SRCIN1: variants seen among roughly 807,000 people sequenced by gnomAD.
SRCIN1 encodes P130Cas-associated protein.
In SRCIN1, 50 loss-of-function variants were observed where a neutral mutation model predicts 116.2. The ratio of observed to expected loss-of-function variants is 0.43; its 90% CI spans 0.34 to 0.54. The LOEUF is 0.54. SRCIN1 is among the 20% of genes least tolerant of loss of function. The pLI is 0.02. For missense variants in SRCIN1, 1,446 were observed against 1,672.0 expected (o/e 0.86, Z 2.36); for synonymous variants, 736 against 750.0 (o/e 0.98, Z 0.30).
At chr17:38,590,526 G>T (rs1908384816) in intron 1 of SRCIN1, among the ~76,000 whole-genome samples, 1 of 152,218 alleles carries the variant, frequency 6.6e-6, no homozygotes, top group African/African-American at 2.4e-5. Context: ...ATGAGCCACT[G>T]CACCCAGCCA....
At chr17:38,553,057 C>G (rs958010503) in intron 11 of SRCIN1, among the ~76,000 whole-genome samples, 5 of 152,152 alleles carry the variant, frequency 3.3e-5, no homozygotes, top group Non-Finnish European at 5.9e-5. Flanking sequence ...GAGTTCAAGA[C>G]CATCCTGGGC....
chr17:38,599,763 G>A (rs967937938), intron 1 of SRCIN1, among the ~76,000 whole-genome samples: 4 of 152,186 alleles, frequency 2.6e-5, no homozygotes, highest in Non-Finnish European at 5.9e-5. Flanking sequence ...GGTGTCCCTG[G>A]GTGGCTGGGC....
chr17:38,558,133 C>CA lies in SRCIN1; in HGVS notation c.2201+93dup. 7.0e-7 allele frequency: 1 copy of CA among 1,436,112 alleles called. No individual in the cohort carries two copies. The highest frequency in any genetic ancestry group is 1.3e-5 in the South Asian group (1 of 79,072). 89.0% of individuals were successfully genotyped at this position (1,436,112 alleles called of 1,614,324 possible). A position where few individuals can be genotyped will look rare whatever the true frequency, so the allele number is the denominator to read the frequency against. Reference sequence around the variant, plus strand: ...GAACAGACCAACGCCACCTGTGACTCAGAGGGAAGGGAGCTGCGCCTCCCA... The same window carrying CA: ...GAACAGACCAACGCCACCTGTGACTCAAGAGGGAAGGGAGCTGCGCCTCCCA... On this transcript the variant is annotated intron_variant, in intron 11 of 18. Coordinates refer to ENST00000617146, the MANE Select transcript of SRCIN1 (RefSeq NM_025248.3). This position sits in a 1 kb window ranked among gnomAD's most constrained non-coding sequence, Gnocchi z 4.6.
chr17:38,582,888 G>C (rs1282065312), intron 1 of SRCIN1, among the ~76,000 whole-genome samples: 1 of 152,024 alleles, frequency 6.6e-6, no homozygotes, highest in Admixed American at 6.6e-5. Context: ...TTGAGGGTGG[G>C]GGAGCATCCT....
intron 10 of SRCIN1, 116 bp downstream of exon 10, chr17:38,559,456 CGGCGAAGGACTCG>C: frequency 1.0e-6 from 1 of 953,590 alleles, no homozygotes; most frequent in Non-Finnish European, 1.5e-6. Flanking sequence ...GGCCAGTGAG[CGGCGAAGGACTCG>C]GGCGTGGAAG....
intron 2 of SRCIN1, chr17:38,574,808 A>G (rs1280141622): frequency 2.5e-6 from 1 of 400,410 alleles, no homozygotes; most frequent in Non-Finnish European, 4.4e-6. Flanking sequence ...CCTCCAAAAA[A>G]AAAAAATCCT....
At chr17:38,584,374 G>A (rs777781516) in intron 1 of SRCIN1, among the ~76,000 whole-genome samples, 1 of 152,220 alleles carries the variant, frequency 6.6e-6, no homozygotes. Flanking sequence ...CAAGCCACAG[G>A]GAAGATGCCA....
chr17:38,596,234 G>A (rs942657443), intron 1 of SRCIN1, among the ~76,000 whole-genome samples: 6 of 152,204 alleles, frequency 3.9e-5, no homozygotes, highest in Non-Finnish European at 5.9e-5. Context: ...GGCTCCCAAA[G>A]TGGGCTAGGT....
rs919218469 is a variant in SRCIN1, at chr17:38,530,291, G to C, written c.*3006C>G. 6.6e-6 allele frequency: 1 copy of C among 152,170 alleles called. No homozygotes were observed. The highest frequency in any genetic ancestry group is 1.5e-5 in the Non-Finnish European group (1 of 68,050). 9.4% of individuals were successfully genotyped at this position (152,170 alleles called of 1,614,324 possible). ...GGTGTGGAGCCGGGGCTCACCCCGG[G>C]GGGCCCCCTGGGGACCCCACTCAGA... On this transcript the variant is annotated 3_prime_UTR_variant, in exon 19 of 19. Coordinates refer to ENST00000617146, the MANE Select transcript of SRCIN1 (RefSeq NM_025248.3).
intron 2 of SRCIN1, among the ~76,000 whole-genome samples, chr17:38,569,485 G>T (rs142964546): frequency 6.6e-6 from 1 of 152,140 alleles, no homozygotes; most frequent in Non-Finnish European, 1.5e-5. Flanking sequence ...TGCTTTCCTG[G>T]CAGGGAGGAG....
intron 18 of SRCIN1, among the ~76,000 whole-genome samples, chr17:38,533,744 A>C (rs1412214244): frequency 3.1e-5 from 1 of 32,502 alleles, no homozygotes; most frequent in Non-Finnish European, 5.9e-5. Flanking sequence ...CAGGATGGGC[A>C]GATGGGGAGG....
At chr17:38,548,337 A>T (rs1905187164) in intron 17 of SRCIN1, among the ~76,000 whole-genome samples, 1 of 152,190 alleles carries the variant, frequency 6.6e-6, no homozygotes, top group Non-Finnish European at 1.5e-5. Flanking sequence ...GACTATAGTT[A>T]AAAAACTCAA....
intron 11 of SRCIN1, among the ~76,000 whole-genome samples, chr17:38,555,390 T>G (rs1011035413): frequency 2.0e-5 from 3 of 152,188 alleles, no homozygotes; most frequent in Admixed American, 6.5e-5. Context: ...AAACACATGT[T>G]GAAGACGGCA....
At chr17:38,582,225 C>T (rs1302277677) in intron 1 of SRCIN1, among the ~76,000 whole-genome samples, 1 of 152,176 alleles carries the variant, frequency 6.6e-6, no homozygotes. Flanking sequence ...TTACCCCCTC[C>T]TCATGCCAGC....
intron 18 of SRCIN1, among the ~76,000 whole-genome samples, chr17:38,536,063 C>G (rs956951567): frequency 1.3e-5 from 2 of 152,236 alleles, no homozygotes; most frequent in Non-Finnish European, 2.9e-5. Flanking sequence ...CCTTCTCCCC[C>G]CAACAGCCAG....
rs767320063 is a variant in SRCIN1, at chr17:38,578,535, C to G, written c.279G>C (p.Gln93His). 2 of 1,599,438 alleles carry G rather than the reference C, an allele frequency of 1.3e-6. No homozygotes were observed. Among genetic ancestry groups the G allele is most frequent in the South Asian group, 2.2e-5 (2 of 90,818 alleles). The change falls in exon 2 of 19, where the codon CAG (glutamine) becomes CAC (histidine). Residue 93 changes from glutamine to histidine, a missense_variant. By Grantham distance (24) the Gln-to-His change is conservative. Coordinates refer to ENST00000617146, the MANE Select transcript of SRCIN1 (RefSeq NM_025248.3). ...GCTGGCCTCGCAGGGCCAGGGCGTGCTGTGGGTACTTGCTCTTCAGGTGGT... is the reference window on the plus strand; with the variant it reads ...GCTGGCCTCGCAGGGCCAGGGCGTGGTGTGGGTACTTGCTCTTCAGGTGGT... Reference protein sequence around the residue: ...FMDHLKSKYPQHALALRGQQD... With the variant: ...FMDHLKSKYPHHALALRGQQD...
chr17:38,568,098 A>T lies in SRCIN1; in HGVS notation c.345+113T>A. On this transcript the variant is annotated intron_variant, in intron 3 of 18. Coordinates refer to ENST00000617146, the MANE Select transcript of SRCIN1 (RefSeq NM_025248.3). This position sits in a 1 kb window ranked among gnomAD's most constrained non-coding sequence, Gnocchi z 4.5. ...CCCCGAGGCCCACCGCCCATACCAG[A>T]AGGTGTCCGTGCAGATGCGCACCCC... 2 of 1,320,240 alleles carry T rather than the reference A, an allele frequency of 1.5e-6. No homozygotes were observed. Among genetic ancestry groups the T allele is most frequent in the Non-Finnish European group, 2.2e-6 (2 of 930,140 alleles). The allele number at this position is 1,320,240 out of a possible 1,614,324, so 81.8% of individuals were successfully genotyped here.
intron 1 of SRCIN1, among the ~76,000 whole-genome samples, chr17:38,598,440 C>G (rs1462157417): frequency 1.3e-5 from 2 of 152,110 alleles, no homozygotes; most frequent in African/African-American, 2.4e-5. Flanking sequence ...ACACGTCCCC[C>G]CCGCAATCTC....
chr17:38,538,554 C>T (rs1423639728), intron 18 of SRCIN1, among the ~76,000 whole-genome samples: 6 of 152,130 alleles, frequency 3.9e-5, no homozygotes, highest in Non-Finnish European at 8.8e-5. Flanking sequence ...TTCCAGCCTT[C>T]TTGGTTACAG....
Sources: gnomAD v4.1 joint callset for allele counts (sites outside exome capture counted in the v4.1 genomes callset) on GRCh38, gnomAD v4.1.1 for gene constraint, Gnocchi (gnomAD v3.1) non-coding constraint, MANE v1.5 for transcripts, NCBI Gene and HGNC (gene_info 2026-07-23, HGNC 2026-07-21) for gene names.